The following CARNMT1 variants were observed in gnomAD, a reference collection of about 807,000 sequenced individuals.
CARNMT1 encodes the protein protein-L-histidine N-pros-methyltransferase CARNMT1.
Under a neutral mutation model 49.6 loss-of-function variants are expected in CARNMT1, and 28 were observed. The observed-to-expected ratio is 0.56, with a 90% CI of 0.42 to 0.77. The LOEUF (loss-of-function observed/expected upper bound fraction) is 0.77. CARNMT1 is among the 30% of genes least tolerant of loss of function. The pLI, the probability that CARNMT1 is intolerant of heterozygous loss-of-function variation, is 0.00. For synonymous variants in CARNMT1, 178 were observed against 175.0 expected, an observed-to-expected ratio of 1.02 and a Z score of -0.13; for missense variants, 421 against 512.6, an observed-to-expected ratio of 0.82 and a Z score of 1.73.
At chr9:75,021,159 C>T (rs1822339459) in intron 1 of CARNMT1, among the ~76,000 whole-genome samples, 1 of 150,712 alleles carries the variant, frequency 6.6e-6, no homozygotes, top group Non-Finnish European at 1.5e-5. Context: ...AAAGATTTAG[C>T]CCAACAGCTG....
chr9:75,023,135 C>CA (rs1028060302), intron 1 of CARNMT1, among the ~76,000 whole-genome samples: 9,385 of 65,042 alleles, frequency 0.14, 371 homozygotes, highest in Middle Eastern at 0.25. Flanking sequence ...GAGCAAGACT[C>CA]AAAAAAAAAA....
At chr9:75,020,513 G>A (rs1822316145) in intron 1 of CARNMT1, among the ~76,000 whole-genome samples, 1 of 152,024 alleles carries the variant, frequency 6.6e-6, no homozygotes, top group Non-Finnish European at 1.5e-5. Context: ...TGATCTGCCT[G>A]CCTCCGCCTT....
rs527877452 is a variant in CARNMT1 at position 75,021,904 on chromosome 9, C to CTA, written c.231-4458_231-4457dup. On this transcript the variant is annotated intron_variant, in intron 1 of 7. Transcript: ENST00000376834. Reference sequence around the variant, plus strand: ...AGCGAGCTATGATTGTGTCACTGCACTACAGGCTGCGTAACAGAGCAAAAA... The same window carrying CTA: ...AGCGAGCTATGATTGTGTCACTGCACTATACAGGCTGCGTAACAGAGCAAAAA... Among the ~76,000 whole-genome samples the CTA allele has an allele frequency of 3.9e-4, 59 of 152,054 alleles. No individual in the cohort carries two copies. The East Asian group carries it at 4.4e-3, about 11-fold the overall frequency.
chr9:75,016,041 T>C, intron 3 of CARNMT1: 1 of 389,898 alleles, frequency 2.6e-6, no homozygotes, highest in Non-Finnish European at 4.6e-6. Flanking sequence ...CCTAACCTTA[T>C]TATTTAATTT....
In CARNMT1 at chr9:74,980,813, A is replaced by G. The variant is rs1364212576; in HGVS notation, c.*2954T>C. On this transcript the variant is annotated 3_prime_UTR_variant, in exon 8 of 8. Transcript: ENST00000376834. The stretch of plus-strand genomic sequence containing the variant: ...TATTCATTTTCCTCAATGGATTCTA[A>G]CTTTATTACAGTGAACTTGAATGAA... Among the ~76,000 whole-genome samples, 1 of 152,150 alleles carries G rather than the reference A, an allele frequency of 6.6e-6. No homozygotes were observed. Among genetic ancestry groups the G allele is most frequent in the Non-Finnish European group, 1.5e-5 (1 of 67,988 alleles).
chr9:74,984,966 T>A lies in CARNMT1; in HGVS notation c.1069A>T (p.Ile357Leu), dbSNP rs1359469585. ...HFENLANELSIELSYEDIKNV... is the reference protein window; with the variant it reads ...HFENLANELSLELSYEDIKNV... ...TTTATATCCTCATAGCTCAATTCTATGGAAAGTTCATTTGCCAGATTTTCA... is the reference window on the plus strand; with the variant it reads ...TTTATATCCTCATAGCTCAATTCTAAGGAAAGTTCATTTGCCAGATTTTCA... The change falls in exon 7 of 8, where the codon ATA (isoleucine) becomes TTA (leucine). Residue 357 changes from isoleucine (I) to leucine (L), a missense_variant. Coordinates refer to ENST00000376834, the MANE Select transcript of CARNMT1 (RefSeq NM_152420.3). 7 of 1,613,798 alleles carry A rather than the reference T, an allele frequency of 4.3e-6. No individual in the cohort carries two copies. Among genetic ancestry groups the A allele is most frequent in the Non-Finnish European group, 4.2e-6 (5 of 1,179,920 alleles).
chr9:74,996,860 A>G (rs1410614770), intron 5 of CARNMT1, among the ~76,000 whole-genome samples: 2 of 152,222 alleles, frequency 1.3e-5, no homozygotes, highest in Non-Finnish European at 2.9e-5. Context: ...TTTATCCTCT[A>G]TTCAACTTCT....
chr9:74,987,701 G>A (rs889372818), intron 6 of CARNMT1, among the ~76,000 whole-genome samples: 3 of 151,892 alleles, frequency 2.0e-5, no homozygotes, highest in African/African-American at 7.3e-5. Flanking sequence ...TAGTGGCCAT[G>A]GTTACACAAT....
intron 6 of CARNMT1, among the ~76,000 whole-genome samples, chr9:74,990,345 C>T (rs188273998): frequency 6.6e-6 from 1 of 152,258 alleles, no homozygotes; most frequent in African/African-American, 2.4e-5. Context: ...ACAGCAAAGA[C>T]GGAAACTAGA....
chr9:75,026,287 C>T (rs1351791515), intron 1 of CARNMT1, among the ~76,000 whole-genome samples: 1 of 152,156 alleles, frequency 6.6e-6, no homozygotes, highest in Non-Finnish European at 1.5e-5. Flanking sequence ...TGATCAACCC[C>T]TACCCCAACA....
intron 6 of CARNMT1, among the ~76,000 whole-genome samples, chr9:74,988,100 A>G (rs74833708): frequency 6.6e-6 from 1 of 150,814 alleles, no homozygotes; most frequent in Non-Finnish European, 1.5e-5. Context: ...CTTTTTTTTT[A>G]GAGACAGTGT....
Position 75,028,137 on chromosome 9 carries a change from C to G in CARNMT1, c.105G>C (p.Gly35=). 4 of 1,549,840 alleles carry G rather than the reference C, an allele frequency of 2.6e-6. No homozygotes were observed. Among genetic ancestry groups the G allele is most frequent in the Non-Finnish European group, 3.5e-6 (4 of 1,150,210 alleles). ...AAACCGCCGCGGCCGAGCCCCAACG[C>G]CCGGCGGAAAACTGCACTTCCACCT... ...SEEVEVQFSA[G]RWGSAAAVSA... is the part of the protein sequence containing the mutation. The change falls in exon 1 of 8, where the codon GGG becomes GGC. Residue 35 remains glycine (G), a synonymous_variant. Coordinates refer to ENST00000376834, the MANE Select transcript of CARNMT1 (RefSeq NM_152420.3).
chr9:75,000,640 T>C (rs4744734), intron 3 of CARNMT1, among the ~76,000 whole-genome samples: 48,438 of 152,016 alleles, frequency 0.32, 8,493 homozygotes, highest in Non-Finnish European at 0.39. Context: ...ACTAAAATTG[T>C]AGTCTTATAA....
intron 1 of CARNMT1, among the ~76,000 whole-genome samples, chr9:75,020,932 T>G (rs889102372): frequency 6.6e-6 from 1 of 152,142 alleles, no homozygotes; most frequent in Non-Finnish European, 1.5e-5. Flanking sequence ...CCAGGCAAAT[T>G]ACCGCCTTCC....
Position 75,028,275 on chromosome 9 carries a change from T to C in CARNMT1, c.-34A>G. On this transcript the variant is annotated 5_prime_UTR_variant, in exon 1 of 8. Transcript: ENST00000376834. ...CGGCCCTCGGCCTGGCTCGCTTGCG[T>C]CTCTCCGCGACCGACAGCGTGGTGG... The C allele has an allele frequency of 1.5e-6, 2 of 1,351,302 alleles. No homozygotes were observed. Among genetic ancestry groups the C allele is most frequent in the African/African-American group, 1.5e-5 (1 of 64,752 alleles). 83.7% of individuals were successfully genotyped at this position (1,351,302 alleles called of 1,614,324 possible).
intron 1 of CARNMT1, chr9:75,027,564 C>T (rs964692248): frequency 1.8e-5 from 12 of 685,502 alleles, no homozygotes; most frequent in African/African-American, 7.8e-5. Flanking sequence ...TGGGAAAATA[C>T]GTCCTACAGC....
intron 3 of CARNMT1, 133 bp from the exon 4 acceptor site, chr9:75,000,003 G>T: frequency 2.9e-6 from 2 of 683,028 alleles, no homozygotes; most frequent in Non-Finnish European, 4.7e-6. Context: ...TCACAATCAA[G>T]AAATACTTCT....
intron 1 of CARNMT1, among the ~76,000 whole-genome samples, chr9:75,021,945 A>G (rs949614462): frequency 6.6e-6 from 1 of 152,014 alleles, no homozygotes; most frequent in Non-Finnish European, 1.5e-5. Flanking sequence ...TCTCCAAAAA[A>G]GAGAAGAAAA....
chr9:75,000,352 T>C (rs1833317780), intron 3 of CARNMT1, among the ~76,000 whole-genome samples: 1 of 152,204 alleles, frequency 6.6e-6, no homozygotes, highest in South Asian at 2.1e-4. Flanking sequence ...GGTATATCTC[T>C]AAATCCCTAT....
Sources: gnomAD v4.1 joint callset for allele counts (sites outside exome capture counted in the v4.1 genomes callset) on GRCh38, gnomAD v4.1.1 for gene constraint, MANE v1.5 for transcripts, NCBI Gene and HGNC (gene_info 2026-07-23, HGNC 2026-07-21) for gene names.